KAZN: variants seen among roughly 807,000 people sequenced by gnomAD.
KAZN encodes the protein kazrin, periplakin interacting protein.
A neutral mutation model predicts 87.4 loss-of-function variants in KAZN; 40 were observed. The ratio of observed to expected loss-of-function variants is 0.46; its 90% CI spans 0.36 to 0.60. The LOEUF is 0.60. Among genes scored for constraint, KAZN ranks in the 20% least tolerant of loss-of-function variants. KAZN has a pLI of 0.00. For synonymous variants in KAZN, 466 were observed against 458.3 expected (o/e 1.02, Z -0.22); for missense variants, 898 against 1,073.9 (o/e 0.84, Z 2.29).
Position 14,024,037 on chromosome 1 carries a change from C to T in KAZN, c.91+130281C>T, listed in dbSNP as rs561523231. Among the ~76,000 whole-genome samples, 11 of 152,240 alleles carry T rather than the reference C, an allele frequency of 7.2e-5. No homozygotes were observed. In the South Asian group the frequency reaches 1.2e-3, roughly 17 times the overall value. On this transcript the variant is annotated intron_variant, in intron 1 of 16. Transcript: ENST00000636203. The stretch of plus-strand genomic sequence containing the variant: ...CCACCCAAAGAGCCAGAGCACCCCA[C>T]GGAGAAGGAAATTCTGCTTAGGATT...
intron 2 of KAZN, among the ~76,000 whole-genome samples, chr1:14,961,611 G>A (rs1416687222): frequency 2.0e-5 from 3 of 152,280 alleles, no homozygotes; most frequent in South Asian, 4.1e-4. Context: ...ACAGTGCTTG[G>A]AGAACTCAGG....
chr1:15,007,917 G>T (rs1021933246), intron 2 of KAZN, among the ~76,000 whole-genome samples: 1 of 152,226 alleles, frequency 6.6e-6, no homozygotes, highest in Non-Finnish European at 1.5e-5. Context: ...ATCAGCACAG[G>T]AAGGGAGCCG....
At chr1:14,339,698 G>A (rs1311322832) in intron 2 of KAZN, among the ~76,000 whole-genome samples, 1 of 152,122 alleles carries the variant, frequency 6.6e-6, no homozygotes, top group African/African-American at 2.4e-5. Flanking sequence ...CATTAAGGAG[G>A]GCAATCTGCT....
At chr1:14,339,470 A>G (rs760894182) in intron 2 of KAZN, among the ~76,000 whole-genome samples, 84 of 152,172 alleles carry the variant, frequency 5.5e-4, no homozygotes, top group Admixed American at 1.1e-3. Flanking sequence ...TATTACTGTA[A>G]GGAATTGGCT....
At chr1:14,203,448 G>T (rs151174706) in intron 2 of KAZN, among the ~76,000 whole-genome samples, 142 of 152,174 alleles carry the variant, frequency 9.3e-4, no homozygotes, top group African/African-American at 3.3e-3. Context: ...TTTTAAAATT[G>T]TATTAATTAC....
intron 1 of KAZN, among the ~76,000 whole-genome samples, chr1:14,704,766 A>T (rs1004763742): frequency 2.6e-5 from 4 of 152,222 alleles, no homozygotes; most frequent in African/African-American, 9.7e-5. Flanking sequence ...GGGTTCAGCC[A>T]GTGCAGAGAC....
chr1:14,683,951 T>G (rs4661513), intron 1 of KAZN, among the ~76,000 whole-genome samples: 1 of 152,014 alleles, frequency 6.6e-6, no homozygotes, highest in Non-Finnish European at 1.5e-5. Context: ...ATTTTTCTTA[T>G]GCACTGGAGT....
chr1:14,773,174 C>T lies in KAZN; in HGVS notation c.226+173951C>T, dbSNP rs1645069265. 6.6e-6 allele frequency among the ~76,000 whole-genome samples: 1 copy of T among 152,152 alleles called. No individual in the cohort carries two copies. The highest frequency in any genetic ancestry group is 2.4e-5 in the African/African-American group (1 of 41,434). On this transcript the variant is annotated intron_variant, in intron 1 of 14. Transcript: ENST00000376030. The surrounding 1 kb of genome is among the most constrained non-coding windows in gnomAD (Gnocchi z 5.9). Reference sequence around the variant, plus strand: ...TTGGCAAGATTAGAGGTGCCTGCTCCTTTTGGAGCCTTTCACAATTATCTT... The same window carrying T: ...TTGGCAAGATTAGAGGTGCCTGCTCTTTTTGGAGCCTTTCACAATTATCTT...
intron 2 of KAZN, among the ~76,000 whole-genome samples, chr1:14,323,420 A>C (rs942075356): frequency 1.3e-5 from 2 of 152,048 alleles, no homozygotes; most frequent in African/African-American, 4.8e-5. Flanking sequence ...TTCTTATATA[A>C]AATACCCTCT....
At chr1:14,452,500 G>A (rs1056978092) in intron 2 of KAZN, among the ~76,000 whole-genome samples, 5 of 152,132 alleles carry the variant, frequency 3.3e-5, no homozygotes, top group Non-Finnish European at 7.4e-5. Flanking sequence ...GGCAAAAGGC[G>A]CTCAGTCACA....
chr1:14,282,901 G>C (rs1652955705), intron 2 of KAZN, among the ~76,000 whole-genome samples: 1 of 152,148 alleles, frequency 6.6e-6, no homozygotes, highest in African/African-American at 2.4e-5. Context: ...GGAAAGAAAC[G>C]AGAGAGGATC....
intron 2 of KAZN, among the ~76,000 whole-genome samples, chr1:14,301,698 C>A: frequency 6.6e-6 from 1 of 152,204 alleles, no homozygotes; most frequent in Non-Finnish European, 1.5e-5. Flanking sequence ...CATGACTGCC[C>A]CAGCCTGTTC....
At chr1:14,653,526 C>T (rs186338990) in intron 1 of KAZN, among the ~76,000 whole-genome samples, 101 of 152,308 alleles carry the variant, frequency 6.6e-4, no homozygotes, top group African/African-American at 2.3e-3. Flanking sequence ...AAGCTGGAAG[C>T]CCGGACTTTG....
At chr1:14,620,185 T>C (rs963907577) in intron 1 of KAZN, among the ~76,000 whole-genome samples, 8 of 152,308 alleles carry the variant, frequency 5.3e-5, no homozygotes, top group African/African-American at 1.9e-4. Context: ...ACCATCTGCT[T>C]CTCCCTAAAT....
intron 2 of KAZN, among the ~76,000 whole-genome samples, chr1:14,253,600 G>A (rs1366273502): frequency 6.6e-6 from 1 of 152,088 alleles, no homozygotes; most frequent in Admixed American, 6.5e-5. Flanking sequence ...AAAATCCAAG[G>A]AGAGGCCTTG....
At chr1:14,344,329 G>A (rs1220476460) in intron 2 of KAZN, among the ~76,000 whole-genome samples, 2 of 149,064 alleles carry the variant, frequency 1.3e-5, no homozygotes, top group East Asian at 3.9e-4. Flanking sequence ...AAGACATAGT[G>A]TGAAAAAAAA....
chr1:13,996,120 C>T (rs1639504797), intron 1 of KAZN, among the ~76,000 whole-genome samples: 1 of 152,122 alleles, frequency 6.6e-6, no homozygotes, highest in Non-Finnish European at 1.5e-5. Flanking sequence ...GGCAGGGGAA[C>T]CCTCAACCCC....
At chr1:13,958,720 G>A (rs7519027) in intron 1 of KAZN, among the ~76,000 whole-genome samples, 8,189 of 152,182 alleles carry the variant, frequency 0.054, 330 homozygotes, top group Non-Finnish European at 0.082. Flanking sequence ...TGGTGGTGAC[G>A]AGGCCCTGTG....
At chr1:14,822,935 G>T (rs914931826) in intron 1 of KAZN, among the ~76,000 whole-genome samples, 2 of 152,196 alleles carry the variant, frequency 1.3e-5, no homozygotes, top group African/African-American at 4.8e-5. Context: ...GGCCACAGCT[G>T]AGTCAGGTGC....
Sources: allele counts gnomAD v4.1 joint callset (sites outside exome capture counted in the v4.1 genomes callset), GRCh38; gene constraint gnomAD v4.1.1; non-coding constraint Gnocchi (gnomAD v3.1); transcripts MANE v1.5; gene names NCBI Gene and HGNC (gene_info 2026-07-23, HGNC 2026-07-21).